The following TUSC3 variants were observed in gnomAD, a reference collection of about 807,000 sequenced individuals.
TUSC3 encodes the protein dolichyl-diphosphooligosaccharide--protein glycosyltransferase subunit TUSC3.
A neutral mutation model predicts 44.8 loss-of-function variants in TUSC3; 45 were observed. The ratio of observed to expected loss-of-function variants is 1.00; its 90% CI spans 0.79 to 1.29. TUSC3 has a LOEUF of 1.29. TUSC3 is among the 50% of genes most tolerant of loss of function. TUSC3 has a pLI of 0.00. For missense variants in TUSC3, 519 were observed against 437.9 expected, an observed-to-expected ratio of 1.19 and a Z score of -1.65; for synonymous variants, 212 against 152.9, an observed-to-expected ratio of 1.39 and a Z score of -2.85.
intron 2 of TUSC3, among the ~76,000 whole-genome samples, chr8:15,529,224 T>A (rs1801419820): frequency 6.6e-6 from 1 of 152,202 alleles, no homozygotes. Flanking sequence ...GTAAATCTTT[T>A]ACTAAGCAAT....
intron 9 of TUSC3, among the ~76,000 whole-genome samples, chr8:15,757,247 G>A (rs1295340414): frequency 6.6e-6 from 1 of 152,152 alleles, no homozygotes; most frequent in Non-Finnish European, 1.5e-5. Flanking sequence ...ACAGAAAGTG[G>A]CTTCCATTGT....
At chr8:15,560,411 A>G (rs1384015807) in intron 1 of TUSC3, among the ~76,000 whole-genome samples, 2 of 144,658 alleles carry the variant, frequency 1.4e-5, no homozygotes, top group Middle Eastern at 7.1e-3. Context: ...GGGTAACCCG[A>G]CCTTTCTCTC....
chr8:15,843,006 C>T, the TUSC3 span, among the ~76,000 whole-genome samples: 1 of 152,160 alleles, frequency 6.6e-6, no homozygotes, highest in Non-Finnish European at 1.5e-5. Context: ...TTGTAGCAAC[C>T]ACAGCCTGAG....
Position 15,453,036 on chromosome 8 carries a change from A to C in TUSC3, n.92-30350A>C, listed in dbSNP as rs151002817. Among the ~76,000 whole-genome samples, 110 of 152,272 alleles carry C rather than the reference A, an allele frequency of 7.2e-4. 1 individual carries two copies. The highest frequency in any genetic ancestry group is 1.2e-3 in the Non-Finnish European group (85 of 68,034). On this transcript the variant is annotated intron_variant and non_coding_transcript_variant, in intron 1 of 5. Transcript: ENST00000503191. The stretch of plus-strand genomic sequence containing the variant: ...ACTCTAGTACCCTGAGGAACTGCAT[A>C]ACTAGAAACAGTATCTAGGATTAAA...
At chr8:15,819,146 G>A in the TUSC3 span, among the ~76,000 whole-genome samples, 1 of 152,090 alleles carries the variant, frequency 6.6e-6, no homozygotes, top group Non-Finnish European at 1.5e-5. Flanking sequence ...ATCACCACGA[G>A]TCATAGATGG....
intron 2 of TUSC3, among the ~76,000 whole-genome samples, chr8:15,486,771 C>G (rs1362408940): frequency 1.3e-5 from 2 of 152,074 alleles, no homozygotes; most frequent in Non-Finnish European, 1.5e-5. Context: ...TAAGGTAAGC[C>G]TATATTTTCC....
chr8:15,739,207 G>A (rs115647345), intron 7 of TUSC3, among the ~76,000 whole-genome samples: 2,957 of 152,108 alleles, frequency 0.019, 100 homozygotes, highest in African/African-American at 0.066. Flanking sequence ...TATCTCATAT[G>A]TTATAGTTGG....
chr8:15,641,439 C>G (rs185788420), intron 2 of TUSC3, among the ~76,000 whole-genome samples: 3 of 151,528 alleles, frequency 2.0e-5, no homozygotes, highest in Admixed American at 1.3e-4. Context: ...AAGAGTAAGC[C>G]TAGTTTATCA....
intron 2 of TUSC3, among the ~76,000 whole-genome samples, chr8:15,499,062 A>G (rs994322562): frequency 1.3e-5 from 2 of 151,642 alleles, no homozygotes; most frequent in East Asian, 1.9e-4. Flanking sequence ...TTCTTCTCCA[A>G]CTTGCCCCAA....
chr8:15,588,189 T>C (rs1254360421), intron 1 of TUSC3, among the ~76,000 whole-genome samples: 1 of 152,168 alleles, frequency 6.6e-6, no homozygotes, highest in Non-Finnish European at 1.5e-5. Context: ...CAGCAGTGTA[T>C]AAGAGTTCTG....
intron 1 of TUSC3, among the ~76,000 whole-genome samples, chr8:15,482,790 A>C (rs1423306039): frequency 1.3e-5 from 2 of 152,246 alleles, no homozygotes; most frequent in African/African-American, 4.8e-5. Flanking sequence ...TGAATGGGAA[A>C]AAATAGGAAA....
At chr8:15,526,061 C>G in intron 2 of TUSC3, among the ~76,000 whole-genome samples, 1 of 151,582 alleles carries the variant, frequency 6.6e-6, no homozygotes, top group Non-Finnish European at 1.5e-5. Flanking sequence ...GAGACAGGGT[C>G]TCCCTTTGTC....
chr8:15,789,093 C>G, the TUSC3 span, among the ~76,000 whole-genome samples: 2 of 152,180 alleles, frequency 1.3e-5, no homozygotes, highest in East Asian at 3.8e-4. Flanking sequence ...TTCAAGCATG[C>G]CCATGACTAT....
At chr8:15,822,928 C>T in the TUSC3 span, among the ~76,000 whole-genome samples, 1 of 152,108 alleles carries the variant, frequency 6.6e-6, no homozygotes, top group African/African-American at 2.4e-5. Flanking sequence ...ATCTGTATAA[C>T]ATAGTCAAGT....
chr8:15,728,588 C>T (rs1179757022), intron 6 of TUSC3, among the ~76,000 whole-genome samples: 5 of 152,092 alleles, frequency 3.3e-5, no homozygotes, highest in Admixed American at 3.3e-4. Context: ...AAGTTACTCT[C>T]CTGAGTTAGG....
rs147941068 is a variant in TUSC3 at position 15,443,968 on chromosome 8, C to A, written n.91+26663C>A. 2.8e-3 allele frequency among the ~76,000 whole-genome samples: 421 copies of A among 152,200 alleles called. 2 individuals carry two copies. The highest frequency in any genetic ancestry group is 9.3e-3 in the African/African-American group (388 of 41,522). On this transcript the variant is annotated intron_variant and non_coding_transcript_variant, in intron 1 of 5. Coordinates refer to the TUSC3 transcript ENST00000503191. ...CTCCTGGCTCACTGGCTTCCCCCACCCCACCAAGCTGTCCTTAAAAACTCT... is the reference window on the plus strand; with the variant it reads ...CTCCTGGCTCACTGGCTTCCCCCACACCACCAAGCTGTCCTTAAAAACTCT...
At chr8:15,699,064 T>A (rs887081860) in intron 6 of TUSC3, among the ~76,000 whole-genome samples, 6 of 152,260 alleles carry the variant, frequency 3.9e-5, no homozygotes, top group African/African-American at 1.4e-4. Context: ...TCTAGGCTGG[T>A]CTTGGACTCC....
At chr8:15,453,116 A>G (rs1323816802) in intron 1 of TUSC3, among the ~76,000 whole-genome samples, 1 of 152,156 alleles carries the variant, frequency 6.6e-6, no homozygotes, top group Non-Finnish European at 1.5e-5. Context: ...AGCTAGTTTC[A>G]TCCATGGTGC....
chr8:15,702,618 G>C (rs553608947), intron 6 of TUSC3, among the ~76,000 whole-genome samples: 2 of 152,076 alleles, frequency 1.3e-5, no homozygotes, highest in South Asian at 2.1e-4. Flanking sequence ...CCTGGTTTCT[G>C]TTCTCTGCTT....
Sources: gnomAD v4.1 joint callset for allele counts (sites outside exome capture counted in the v4.1 genomes callset) on GRCh38, gnomAD v4.1.1 for gene constraint, MANE v1.5 for transcripts, NCBI Gene and HGNC (gene_info 2026-07-23, HGNC 2026-07-21) for gene names.